Variants in DLC1 observed in about 807,000 individuals in gnomAD.
DLC1 encodes the protein rho GTPase-activating protein 7.
DLC1 carries 54 observed loss-of-function variants against 140.3 expected under a neutral mutation model. The observed-to-expected ratio is 0.38, with a 90% CI of 0.31 to 0.48. The LOEUF is 0.48. Among genes scored for constraint, DLC1 ranks in the 20% least tolerant of loss-of-function variants. DLC1 has a pLI of 0.96. For synonymous variants in DLC1, 986 were observed against 728.1 expected (o/e 1.35, Z -5.70); for missense variants, 2,536 against 1,907.0 (o/e 1.33, Z -6.14).
chr8:13,306,039 T>A (rs1274291691), intron 4 of DLC1, among the ~76,000 whole-genome samples: 1 of 152,280 alleles, frequency 6.6e-6, no homozygotes, highest in East Asian at 1.9e-4. Context: ...AAGGCTCAGG[T>A]TCCTTCTTTA....
At chr8:13,224,576 C>T (rs113681478) in intron 5 of DLC1, among the ~76,000 whole-genome samples, 10 of 152,066 alleles carry the variant, frequency 6.6e-5, no homozygotes, top group Admixed American at 2.6e-4. Context: ...GGGTAAGGAG[C>T]CCTAAGGGGT....
intron 4 of DLC1, among the ~76,000 whole-genome samples, chr8:13,308,438 C>G (rs1832543879): frequency 6.6e-6 from 1 of 152,110 alleles, no homozygotes; most frequent in East Asian, 1.9e-4. Flanking sequence ...AATGATTTAT[C>G]TTTGAATTTG....
At chr8:13,240,875 C>T (rs1013869635) in intron 5 of DLC1, among the ~76,000 whole-genome samples, 4 of 152,210 alleles carry the variant, frequency 2.6e-5, no homozygotes, top group African/African-American at 9.6e-5. Context: ...AAAACCTGAG[C>T]CTTTCCTGGT....
At chr8:13,154,470 G>A (rs1030266752) in intron 5 of DLC1, among the ~76,000 whole-genome samples, 3 of 152,208 alleles carry the variant, frequency 2.0e-5, no homozygotes, top group Non-Finnish European at 4.4e-5. Flanking sequence ...CAGGGCCGGC[G>A]GTGCCGGCCA....
chr8:13,107,789 C>T (rs62487859), intron 7 of DLC1, among the ~76,000 whole-genome samples: 54,356 of 151,872 alleles, frequency 0.36, 11,818 homozygotes, highest in South Asian at 0.5. Flanking sequence ...CGGTGGCTCA[C>T]GCCTGTAATC....
At chr8:13,352,415 C>T (rs1230743786) in intron 4 of DLC1, among the ~76,000 whole-genome samples, 2 of 152,064 alleles carry the variant, frequency 1.3e-5, no homozygotes, top group Non-Finnish European at 2.9e-5. Flanking sequence ...CAGGGTCTTG[C>T]TCTGTCACTC....
intron 1 of DLC1, among the ~76,000 whole-genome samples, chr8:13,541,939 A>C (rs1297020943): frequency 6.6e-6 from 1 of 152,188 alleles, no homozygotes; most frequent in Non-Finnish European, 1.5e-5. Flanking sequence ...TTTCCCAGTG[A>C]GTTCTTACAA....
At chr8:13,090,225 C>A (rs780966939) in intron 15 of DLC1, 27 bp downstream of exon 15, 5 of 1,603,538 alleles carry the variant, frequency 3.1e-6, no homozygotes, top group East Asian at 2.2e-5. Context: ...CTGGACTCAA[C>A]TAGCCGACAA....
At chr8:13,502,723 A>G (rs780364463) in intron 1 of DLC1, among the ~76,000 whole-genome samples, 2 of 151,488 alleles carry the variant, frequency 1.3e-5, no homozygotes, top group Non-Finnish European at 2.9e-5. Flanking sequence ...TTAAAATTAC[A>G]TTTCAAAAAA....
At chr8:13,169,106 A>T (rs1404443545) in intron 5 of DLC1, among the ~76,000 whole-genome samples, 1 of 152,210 alleles carries the variant, frequency 6.6e-6, no homozygotes, top group Non-Finnish European at 1.5e-5. Context: ...AGGAAATGTG[A>T]TATATAGTAC....
At chr8:13,128,844 A>C (rs936331031) in intron 5 of DLC1, among the ~76,000 whole-genome samples, 1 of 151,514 alleles carries the variant, frequency 6.6e-6, no homozygotes, top group South Asian at 2.1e-4. Context: ...CAAAAAAAAA[A>C]AAGAGAAAAA....
chr8:13,555,963 G>A (rs1035915596), intron 1 of DLC1, among the ~76,000 whole-genome samples: 1 of 152,162 alleles, frequency 6.6e-6, no homozygotes, highest in African/African-American at 2.4e-5. Context: ...AAGAAAGAAA[G>A]AGGTTGCATT....
intron 2 of DLC1, among the ~76,000 whole-genome samples, chr8:13,459,648 A>G (rs1244336905): frequency 6.6e-6 from 1 of 152,156 alleles, no homozygotes; most frequent in African/African-American, 2.4e-5. Context: ...AGCATGGTCT[A>G]TGCTAATTCT....
At chr8:13,406,181 G>GTTGTTGTTT (rs1554514489) in intron 2 of DLC1, among the ~76,000 whole-genome samples, 1 of 84,960 alleles carries the variant, frequency 1.2e-5, no homozygotes, top group Non-Finnish European at 2.2e-5. Flanking sequence ...TAATTTTTGT[G>GTTGTTGTTT]TTTTTTTTTT....
At chr8:13,589,264 A>T (rs1805434579) in intron 1 of DLC1, among the ~76,000 whole-genome samples, 1 of 152,102 alleles carries the variant, frequency 6.6e-6, no homozygotes, top group Non-Finnish European at 1.5e-5. Context: ...AGATCTTTGT[A>T]TTTTATATAA....
At chr8:13,354,826 G>A (rs531822750) in intron 4 of DLC1, among the ~76,000 whole-genome samples, 1 of 151,406 alleles carries the variant, frequency 6.6e-6, no homozygotes, top group Non-Finnish European at 1.5e-5. Flanking sequence ...GTACATGCCT[G>A]TAATCCCAGC....
intron 5 of DLC1, among the ~76,000 whole-genome samples, chr8:13,252,859 A>G (rs1405598940): frequency 6.6e-6 from 1 of 152,232 alleles, no homozygotes. Context: ...CTTGACCTAT[A>G]GCCACATGTC....
chr8:13,294,014 G>C (rs1831855978), intron 5 of DLC1, among the ~76,000 whole-genome samples: 1 of 152,070 alleles, frequency 6.6e-6, no homozygotes, highest in South Asian at 2.1e-4. Context: ...TTCTAGCAAG[G>C]TTTTGTGGAG....
chr8:13,105,792 G>T (rs1585637079), intron 7 of DLC1, among the ~76,000 whole-genome samples: 1 of 151,946 alleles, frequency 6.6e-6, no homozygotes, highest in Non-Finnish European at 1.5e-5. Flanking sequence ...TTGCCCGGCT[G>T]GTCTCGACCT....
Sources: gnomAD v4.1 joint callset for allele counts (sites outside exome capture counted in the v4.1 genomes callset) on GRCh38, gnomAD v4.1.1 for gene constraint, MANE v1.5 for transcripts, NCBI Gene and HGNC (gene_info 2026-07-23, HGNC 2026-07-21) for gene names.